Variants in MGST2 observed in about 807,000 individuals in gnomAD.
MGST2 encodes the protein glutathione peroxidase MGST2.
MGST2 carries 9 observed loss-of-function variants against 16.6 expected under a neutral mutation model. That is an observed-to-expected ratio of 0.54 (90% CI 0.33 to 0.95). MGST2 has a LOEUF of 0.95. MGST2 is among the 40% of genes least tolerant of loss of function. The probability of loss-of-function intolerance (pLI) is 0.03; values close to 1 mark genes in which losing one functional copy is unlikely to be tolerated. For missense variants in MGST2, 159 were observed against 175.1 expected, an observed-to-expected ratio of 0.91 and a Z score of 0.52; for synonymous variants, 79 against 68.0, an observed-to-expected ratio of 1.16 and a Z score of -0.79.
chr4:139,685,796 T>A (rs187286022), intron 2 of MGST2, among the ~76,000 whole-genome samples: 93 of 152,320 alleles, frequency 6.1e-4, no homozygotes, highest in Non-Finnish European at 1.1e-3. Context: ...CCCCAGTAGC[T>A]GGGACTACAG....
intron 1 of MGST2, among the ~76,000 whole-genome samples, chr4:139,666,399 G>A (rs1730355527): frequency 6.6e-6 from 1 of 152,172 alleles, no homozygotes; most frequent in African/African-American, 2.4e-5. Flanking sequence ...ACGAGCGTTA[G>A]TAGCCTGCTA....
intron 2 of MGST2, among the ~76,000 whole-genome samples, chr4:139,691,697 G>GATGATGATTATTATTATT (rs1462911789): frequency 5.8e-5 from 8 of 137,458 alleles, no homozygotes; most frequent in African/African-American, 2.5e-4. Context: ...TGATGATGAT[G>GATGATGATTATTATTATT]ATTATTATTA....
intron 1 of MGST2, among the ~76,000 whole-genome samples, chr4:139,667,369 T>A (rs1034230507): frequency 2.0e-5 from 3 of 152,040 alleles, no homozygotes; most frequent in Non-Finnish European, 4.4e-5. Context: ...TGCATGCGCC[T>A]TTATCCTAGG....
intron 2 of MGST2, among the ~76,000 whole-genome samples, chr4:139,686,258 A>G (rs971538397): frequency 6.6e-6 from 1 of 152,198 alleles, no homozygotes; most frequent in Non-Finnish European, 1.5e-5. Context: ...GATCAACAGA[A>G]GGGAATGTCT....
At chr4:139,704,639 A>G (rs1727447220), downstream of MGST2, among the ~76,000 whole-genome samples, 1 of 152,102 alleles carries the variant, frequency 6.6e-6, no homozygotes, top group African/African-American at 2.4e-5. Context: ...CAGGTTATAG[A>G]AGGCTGGGCG....
chr4:139,718,441 C>T (rs1301217458), intron 5 of MGST2: 1 of 152,284 alleles, frequency 6.6e-6, no homozygotes, highest in Non-Finnish European at 1.5e-5. Flanking sequence ...GAGACAAAGG[C>T]TCCAGGCTGG....
At chr4:139,668,257 G>C (rs1055413685) in intron 1 of MGST2, among the ~76,000 whole-genome samples, 1 of 152,156 alleles carries the variant, frequency 6.6e-6, no homozygotes, top group Non-Finnish European at 1.5e-5. Flanking sequence ...GAAGCTTCCA[G>C]GTAGCAGCGT....
downstream of MGST2, among the ~76,000 whole-genome samples, chr4:139,706,481 C>A (rs1040026630): frequency 1.3e-5 from 2 of 152,288 alleles, no homozygotes; most frequent in Middle Eastern, 3.4e-3. Flanking sequence ...ATGATCGTGA[C>A]TTGGATTGTG....
intron 5 of MGST2, among the ~76,000 whole-genome samples, chr4:139,725,129 C>A (rs1266062996): frequency 2.0e-5 from 3 of 152,098 alleles, no homozygotes; most frequent in Non-Finnish European, 4.4e-5. Context: ...AAAGGAGTGC[C>A]AACACTGACA....
intron 2 of MGST2, among the ~76,000 whole-genome samples, chr4:139,691,479 C>T (rs1726576609): frequency 6.6e-6 from 1 of 152,206 alleles, no homozygotes; most frequent in African/African-American, 2.4e-5. Context: ...GGGACACCAT[C>T]CAGGCCTGGA....
In MGST2 at chr4:139,723,435, G is replaced by A. The variant is rs180956325; in HGVS notation, c.*49-16777G>A. On this transcript the variant is annotated intron_variant, in intron 5 of 5. Transcript: ENST00000616265. The stretch of plus-strand genomic sequence containing the variant: ...AAGCAATTCTCCTGCCCCAGCCTCC[G>A]GAGTAGCTGGGATTACAGGCATGCG... Among the ~76,000 whole-genome samples the A allele has an allele frequency of 9.2e-3, 1,400 of 152,148 alleles. 25 individuals carry two copies. Among genetic ancestry groups the A allele is most frequent in the South Asian group, 0.031 (150 of 4,812 alleles).
chr4:139,696,887 G>C (rs1726952879), intron 3 of MGST2, among the ~76,000 whole-genome samples: 1 of 152,020 alleles, frequency 6.6e-6, no homozygotes. Flanking sequence ...GAGCCTTAAA[G>C]GTCCTGATAA....
At chr4:139,691,808 C>T (rs1726614572) in intron 2 of MGST2, among the ~76,000 whole-genome samples, 1 of 152,146 alleles carries the variant, frequency 6.6e-6, no homozygotes, top group Admixed American at 6.5e-5. Flanking sequence ...ACACCATTCT[C>T]CTGCCTTAGT....
intron 2 of MGST2, 177 bp downstream of exon 2, chr4:139,678,819 G>A (rs795590): frequency 0.026 from 17,228 of 651,440 alleles, 484 homozygotes; most frequent in African/African-American, 0.11. Flanking sequence ...AGGGTTCGGG[G>A]CATGAAGTCT....
intron 2 of MGST2, among the ~76,000 whole-genome samples, chr4:139,686,285 T>C (rs1184529110): frequency 6.6e-6 from 1 of 151,292 alleles, no homozygotes; most frequent in Non-Finnish European, 1.5e-5. Flanking sequence ...AGATAAAGGA[T>C]TATGGAGACC....
chr4:139,703,963 C>A lies in MGST2; in HGVS notation c.312-53C>A, dbSNP rs886406831. 3.4e-5 allele frequency: 54 copies of A among 1,610,308 alleles called. 1 individual carries two copies. On this transcript the variant is annotated intron_variant, in intron 4 of 4. Coordinates refer to ENST00000265498, the MANE Select transcript of MGST2 (RefSeq NM_002413.5). ...GGACAGCCTACCTCAGGACTCTCAG[C>A]TTCCTTATTACAGTCCAGTTTGTCA...
In MGST2 at chr4:139,699,298, T is replaced by C. The variant is rs1184753677; in HGVS notation, c.229+4031T>C. On this transcript the variant is annotated intron_variant, in intron 3 of 4. Coordinates refer to ENST00000265498, the MANE Select transcript of MGST2 (RefSeq NM_002413.5). ...ATCTTTACACTTGTTTACATTTCTC[T>C]CAACTACAAGTGGCATCATGCATTA... is the stretch of plus-strand genomic sequence containing the variant. Among the ~76,000 whole-genome samples the C allele has an allele frequency of 2.6e-5, 4 of 152,374 alleles. No homozygotes were observed. The East Asian group carries it at 7.7e-4, about 29-fold the overall frequency.
At chr4:139,710,951 G>T (rs1372488402) in intron 5 of MGST2, among the ~76,000 whole-genome samples, 1 of 152,048 alleles carries the variant, frequency 6.6e-6, no homozygotes, top group African/African-American at 2.4e-5. Flanking sequence ...AAAAGAAAGA[G>T]AGTGGGGGTA....
chr4:139,713,618 T>C (rs79989212), intron 5 of MGST2, among the ~76,000 whole-genome samples: 6 of 152,224 alleles, frequency 3.9e-5, no homozygotes, highest in African/African-American at 1.4e-4. Flanking sequence ...CTACTTTTAA[T>C]TAAGCTGACT....
Sources: gnomAD v4.1 joint callset for allele counts (sites outside exome capture counted in the v4.1 genomes callset) on GRCh38, gnomAD v4.1.1 for gene constraint, MANE v1.5 for transcripts, NCBI Gene and HGNC (gene_info 2026-07-23, HGNC 2026-07-21) for gene names.